Variants in KYAT1 observed in about 807,000 individuals in gnomAD.
KYAT1 encodes kynurenine--oxoglutarate transaminase 1.
A neutral mutation model predicts 52.4 loss-of-function variants in KYAT1; 47 were observed. That is an observed-to-expected ratio of 0.90 (90% CI 0.71 to 1.14). The LOEUF is 1.14. Ranked by LOEUF, KYAT1 falls within the 50% of genes most tolerant of loss-of-function variation. The probability of loss-of-function intolerance (pLI) is 0.00; values close to 1 mark genes in which losing one functional copy is unlikely to be tolerated. For missense variants in KYAT1, 480 were observed against 557.9 expected, an observed-to-expected ratio of 0.86 and a Z score of 1.41; for synonymous variants, 212 against 209.6, an observed-to-expected ratio of 1.01 and a Z score of -0.10.
At chr9:128,849,744 C>A (rs909074882) in intron 1 of KYAT1, among the ~76,000 whole-genome samples, 2 of 144,462 alleles carry the variant, frequency 1.4e-5, no homozygotes, top group African/African-American at 2.6e-5. Flanking sequence ...TGCAGTGAGC[C>A]GAGATCACGC....
At chr9:128,868,891 A>C (rs1042227546) in intron 1 of KYAT1, among the ~76,000 whole-genome samples, 3 of 151,786 alleles carry the variant, frequency 2.0e-5, no homozygotes, top group Admixed American at 6.6e-5. Flanking sequence ...TTTTTAGTAG[A>C]GACGGGGTTT....
At chr9:128,849,792 T>C (rs144086577) in intron 1 of KYAT1, among the ~76,000 whole-genome samples, 1,792 of 107,540 alleles carry the variant, frequency 0.017, 40 homozygotes, top group African/African-American at 0.047. Flanking sequence ...TGAGACTCTG[T>C]CTCAAAAAAA....
intron 7 of KYAT1, among the ~76,000 whole-genome samples, 177 bp downstream of exon 7, chr9:128,836,625 G>A (rs1163021545): frequency 2.6e-5 from 4 of 152,018 alleles, no homozygotes; most frequent in East Asian, 1.9e-4. Context: ...TCATCCTTTC[G>A]ACAACCAGGG....
intron 2 of KYAT1, among the ~76,000 whole-genome samples, chr9:128,843,580 T>C (rs1246304643): frequency 6.6e-6 from 1 of 152,112 alleles, no homozygotes; most frequent in African/African-American, 2.4e-5. Context: ...GGTTTTGCTA[T>C]GTTGGCCAGG....
intron 11 of KYAT1, 127 bp downstream of exon 11, chr9:128,835,196 A>T (rs547578191): frequency 2.5e-6 from 2 of 802,048 alleles, no homozygotes; most frequent in South Asian, 2.7e-5. Flanking sequence ...AGTGGATACA[A>T]CCCTGCCCCA....
intron 1 of KYAT1, among the ~76,000 whole-genome samples, chr9:128,856,165 A>G (rs1834566402): frequency 6.6e-6 from 1 of 152,198 alleles, no homozygotes; most frequent in South Asian, 2.1e-4. Flanking sequence ...CTTACTTTAG[A>G]TATTTTAAAA....
chr9:128,840,638 AAAG>A (rs1438143715), intron 3 of KYAT1: 2 of 444,160 alleles, frequency 4.5e-6, no homozygotes, highest in South Asian at 3.4e-5. Flanking sequence ...TTTTTGGATC[AAAG>A]AAGGAACTTT....
intron 1 of KYAT1, among the ~76,000 whole-genome samples, chr9:128,875,627 A>C (rs1398786084): frequency 1.3e-5 from 2 of 151,944 alleles, no homozygotes; most frequent in Admixed American, 6.6e-5. Flanking sequence ...CCGCTTCAAA[A>C]AAAAAAAAAA....
Position 128,837,068 on chromosome 9 carries a change from CG to C in KYAT1, c.568-147del, listed in dbSNP as rs972231880. 4.0e-6 allele frequency: 4 copies of C among 1,003,160 alleles called. No individual in the cohort carries two copies. The African/African-American group carries it at 6.5e-5, about 16-fold the overall frequency. 62.1% of individuals were successfully genotyped at this position (1,003,160 alleles called of 1,614,324 possible). The stretch of plus-strand genomic sequence containing the variant: ...TAGCACTTTGGGAGGCCGAGGCGGG[CG>C]GAACACTGGAGGTCAGGAGTTTAAG... On this transcript the variant is annotated intron_variant, in intron 6 of 12. Coordinates refer to ENST00000302586, the MANE Select transcript of KYAT1 (RefSeq NM_004059.5).
At chr9:128,836,182 C>T in intron 7 of KYAT1, 109 bp from the exon 8 acceptor site, 3 of 808,548 alleles carry the variant, frequency 3.7e-6, no homozygotes, top group East Asian at 5.1e-5. Flanking sequence ...CCCTGGATTC[C>T]TCTACATACT....
In KYAT1 at chr9:128,875,915, A is replaced by G. The variant is rs955559655; in HGVS notation, c.-7+5982T>C. ...GACCCCTGGGCCCGTGGAATGCATC[A>G]CTGATGCATTCCAGGGGCTGATGTC... On this transcript the variant is annotated intron_variant, in intron 1 of 12. Coordinates refer to ENST00000302586, the MANE Select transcript of KYAT1 (RefSeq NM_004059.5). Among the ~76,000 whole-genome samples the G allele has an allele frequency of 2.6e-5, 4 of 151,968 alleles. No individual in the cohort carries two copies. The East Asian group carries it at 7.7e-4, about 29-fold the overall frequency.
At chr9:128,834,320 G>A (rs902987718) in intron 11 of KYAT1, among the ~76,000 whole-genome samples, 1 of 152,150 alleles carries the variant, frequency 6.6e-6, no homozygotes, top group African/African-American at 2.4e-5. Flanking sequence ...TCCCTCCCTG[G>A]GTATAGAGGG....
chr9:128,865,332 TATATATATATATATA>T (rs1564491521), intron 1 of KYAT1, among the ~76,000 whole-genome samples: 44 of 2,358 alleles, frequency 0.019, 3 homozygotes, highest in African/African-American at 0.029. Flanking sequence ...TATATATATA[TATATATATATATATA>T]TATATATATA....
chr9:128,842,520 G>T (rs1312797639), intron 3 of KYAT1, 134 bp downstream of exon 3: 2 of 905,124 alleles, frequency 2.2e-6, no homozygotes, highest in African/African-American at 1.7e-5. Flanking sequence ...GATACGCTCA[G>T]TAAACACTGA....
Position 128,838,255 on chromosome 9 carries a change from A to C in KYAT1, c.314T>G (p.Phe105Cys). 6.2e-7 allele frequency: 1 copy of C among 1,614,240 alleles called. No individual in the cohort carries two copies. The highest frequency in any genetic ancestry group is 1.3e-5 in the African/African-American group (1 of 75,064). ...LVTVGGYGAL[F>C]TAFQALVDEG... ...GTCCACCAGGGCCTGGAAGGCTGTG[A>C]ACAGGGCCCCATAGCCACCAACAGT... Residue 105 changes from phenylalanine to cysteine, a missense_variant, in exon 4 of 13, where the codon TTC becomes TGC. Physicochemically the swap from Phe to Cys is radical, Grantham distance 205 (BLOSUM62 -2). Coordinates refer to ENST00000302586, the MANE Select transcript of KYAT1 (RefSeq NM_004059.5).
intron 1 of KYAT1, among the ~76,000 whole-genome samples, chr9:128,858,024 T>C (rs1588117453): frequency 6.6e-6 from 1 of 152,042 alleles, no homozygotes; most frequent in Admixed American, 6.6e-5. Context: ...GGATACCCAT[T>C]AAGAAAATGA....
At chr9:128,876,445 T>C (rs1338212553) in intron 1 of KYAT1, among the ~76,000 whole-genome samples, 4 of 144,132 alleles carry the variant, frequency 2.8e-5, no homozygotes, top group Admixed American at 7.4e-5. Flanking sequence ...TGAGACAGAG[T>C]CTGGCTCTGT....
At position 128,854,896 on chromosome 9, in the gene KYAT1, C is replaced by T. The variant is rs142637457; in HGVS notation, c.-6-9485G>A. On this transcript the variant is annotated intron_variant, in intron 1 of 12. Coordinates refer to ENST00000302586, the MANE Select transcript of KYAT1 (RefSeq NM_004059.5). Reference sequence around the variant, plus strand: ...TCCTCCTATTTGCCTGGGGAAAGCACCAGGATGCTTAATGCCTACAACCCA... The same window carrying T: ...TCCTCCTATTTGCCTGGGGAAAGCATCAGGATGCTTAATGCCTACAACCCA... 1.9e-3 allele frequency among the ~76,000 whole-genome samples: 292 copies of T among 152,236 alleles called. 4 individuals carry two copies. Among genetic ancestry groups the T allele is most frequent in the African/African-American group, 6.3e-3 (260 of 41,544 alleles).
chr9:128,872,749 C>T (rs1461290380), intron 1 of KYAT1, among the ~76,000 whole-genome samples: 1 of 149,520 alleles, frequency 6.7e-6, no homozygotes, highest in African/African-American at 2.5e-5. Flanking sequence ...GCCTGGGTGA[C>T]AGAGCGAGAC....
Sources: allele counts gnomAD v4.1 joint callset (sites outside exome capture counted in the v4.1 genomes callset), GRCh38; gene constraint gnomAD v4.1.1; transcripts MANE v1.5; gene names NCBI Gene and HGNC (gene_info 2026-07-23, HGNC 2026-07-21).